BCL6: variants seen among roughly 807,000 people sequenced by gnomAD.
BCL6 encodes the protein BCL6 transcription repressor.
BCL6 carries 7 observed loss-of-function variants against 59.5 expected under a neutral mutation model. That is an observed-to-expected ratio of 0.12 (90% CI 0.07 to 0.22). The LOEUF (loss-of-function observed/expected upper bound fraction) is 0.22, where lower values mean the gene tolerates loss of function less well. Ranked by LOEUF, BCL6 falls within the 10% of genes least tolerant of loss-of-function variation. BCL6 has a pLI of 1.00. For missense variants in BCL6, 685 were observed against 939.4 expected (o/e 0.73, Z 3.54); for synonymous variants, 339 against 349.7 (o/e 0.97, Z 0.34).
intron 4 of BCL6, among the ~76,000 whole-genome samples, chr3:187,730,958 GC>G (rs1340039027): frequency 1.3e-5 from 2 of 152,182 alleles, no homozygotes; most frequent in Non-Finnish European, 2.9e-5. Flanking sequence ...TTCAAACACA[GC>G]CTGGAAAACC....
Position 187,728,496 on chromosome 3 carries a change from G to T in BCL6, c.1404C>A (p.Leu468=). 2 of 1,611,258 alleles carry T rather than the reference G, an allele frequency of 1.2e-6. No homozygotes were observed. Among genetic ancestry groups the T allele is most frequent in the Non-Finnish European group, 1.7e-6 (2 of 1,179,520 alleles). ...PRSSSESHSP[L]YMHPPKCTSC... ...ACGTGCACTTCGGGGGGTGCATGTA[G>T]AGTGGTGAGTGGCTCTCGCTGCTGC... Residue 468 remains leucine, a synonymous_variant, in exon 6 of 10, where the codon CTC becomes CTA. Transcript: ENST00000406870.
intron 1 of BCL6, among the ~76,000 whole-genome samples, chr3:187,744,608 C>G (rs145232930): frequency 6.6e-6 from 1 of 152,192 alleles, no homozygotes; most frequent in African/African-American, 2.4e-5. Flanking sequence ...AAAGAGTTCG[C>G]TTGCATTTTT....
chr3:187,725,471 GCTCCGCTCGCCTGCCCA>G lies in BCL6; in HGVS notation c.1839+11_1839+27del, dbSNP rs769071983. 105 of 1,234,306 alleles carry G rather than the reference GCTCCGCTCGCCTGCCCA, an allele frequency of 8.5e-5. No homozygotes were observed. Among genetic ancestry groups the G allele is most frequent in the South Asian group, 1.7e-5 (1 of 59,318 alleles). The allele number at this position is 1,234,306 out of a possible 1,614,324, so 76.5% of individuals were successfully genotyped here. ...GCCTGCCCGCTCCGCTCGCCTGCCC[GCTCCGCTCGCCTGCCCA>G]CTCTGCTCACCTGTACAAATCTGGC... On this transcript the variant is annotated intron_variant, in intron 8 of 9. Transcript: ENST00000406870. The surrounding 1 kb of genome is among the most constrained non-coding windows in gnomAD (Gnocchi z 4.7).
chr3:187,744,723 C>A (rs1305083966), intron 1 of BCL6, among the ~76,000 whole-genome samples: 1 of 151,978 alleles, frequency 6.6e-6, no homozygotes, highest in Non-Finnish European at 1.5e-5. Context: ...CTTTTTGCCT[C>A]CCGGAGTTAC....
At chr3:187,738,003 G>C (rs1177782953) in intron 1 of BCL6, 1 of 152,064 alleles carries the variant, frequency 6.6e-6, no homozygotes, top group Non-Finnish European at 1.5e-5. Flanking sequence ...GGCCGCTGGG[G>C]AAGGCTCGCG....
chr3:187,731,635 C>T, intron 4 of BCL6, 74 bp downstream of exon 4: 1 of 1,435,900 alleles, frequency 7.0e-7, no homozygotes, highest in Non-Finnish European at 9.7e-7. Context: ...TTTCTGTATG[C>T]ATGAATTATC....
At chr3:187,733,461 T>C in intron 3 of BCL6, 72 bp downstream of exon 3, 1 of 1,548,824 alleles carries the variant, frequency 6.5e-7, no homozygotes, top group Non-Finnish European at 8.8e-7. Flanking sequence ...GGCCCACATG[T>C]TCTGCCTTGC....
intron 7 of BCL6, among the ~76,000 whole-genome samples, chr3:187,726,094 A>G (rs1718678558): frequency 1.3e-5 from 2 of 152,128 alleles, no homozygotes; most frequent in South Asian, 4.1e-4. Context: ...TCATCAACTC[A>G]TTCACCAGGG....
chr3:187,734,799 A>G (rs751233728), intron 2 of BCL6, 70 bp downstream of exon 2: 2 of 152,710 alleles, frequency 1.3e-5, no homozygotes, highest in African/African-American at 4.8e-5. Context: ...TCACAGAGAC[A>G]CATGTATTGG....
At chr3:187,744,623 T>G (rs1711800736) in intron 1 of BCL6, among the ~76,000 whole-genome samples, 1 of 151,852 alleles carries the variant, frequency 6.6e-6, no homozygotes, top group Admixed American at 6.6e-5. Flanking sequence ...ATTTTTTCCT[T>G]CCAAATCTCG....
chr3:187,722,487 G>A lies in BCL6; in HGVS notation c.2092C>T (p.Leu698=), dbSNP rs1003186327. Residue 698 remains leucine (L), a synonymous_variant, in exon 10 of 10, where the codon CTG becomes TTG. Coordinates refer to ENST00000406870, the MANE Select transcript of BCL6 (RefSeq NM_001706.5). ...CAGGCTTTGGGGAGCTCCGGAGGCAGGTCAGTGGCTGACACGCGGTATTGC... is the reference window on the plus strand; with the variant it reads ...CAGGCTTTGGGGAGCTCCGGAGGCAAGTCAGTGGCTGACACGCGGTATTGC... ...KVQYRVSATD[L]PPELPKAC 1.2e-6 allele frequency: 2 copies of A among 1,613,616 alleles called. No individual in the cohort carries two copies. The highest frequency in any genetic ancestry group is 8.5e-7 in the Non-Finnish European group (1 of 1,179,954).
In BCL6 at chr3:187,729,103, G is replaced by A. The variant is rs765760636; in HGVS notation, c.1302C>T (p.Ser434=). 2.5e-5 allele frequency: 39 copies of A among 1,556,500 alleles called. No homozygotes were observed. Among genetic ancestry groups the A allele is most frequent in the African/African-American group, 2.1e-4 (15 of 72,978 alleles). Residue 434 remains serine, a synonymous_variant, in exon 5 of 10, where the codon AGC becomes AGT. Transcript: ENST00000406870. The surrounding 1 kb of genome is among the most constrained non-coding windows in gnomAD (Gnocchi z 5.6). ...CTTGTGGGATGGTGGAGTCCTCCCC[G>A]CTGGCACTCAGCTTGGTTGGGGACT... is the stretch of plus-strand genomic sequence containing the variant. ...DLQSPTKLSA[S]GEDSTIPQAS...
At position 187,725,437 on chromosome 3, in the gene BCL6, CCTCCGCTCGCCTGCCCG is replaced by C. The variant is rs201366633; in HGVS notation, c.1839+45_1839+61del. ...CCACTCCTCCGCTTGCCTGCCCACT[CCTCCGCTCGCCTGCCCG>C]CTCCGCTCGCCTGCCCGCTCCGCTC... is the stretch of plus-strand genomic sequence containing the variant. On this transcript the variant is annotated intron_variant, in intron 8 of 9. Coordinates refer to ENST00000406870, the MANE Select transcript of BCL6 (RefSeq NM_001706.5). This position sits in a 1 kb window ranked among gnomAD's most constrained non-coding sequence, Gnocchi z 4.7. The C allele has an allele frequency of 4.1e-3, 6,433 of 1,556,496 alleles. 154 individuals are homozygous for C. The African/African-American group carries it at 0.07, about 17-fold the overall frequency.
chr3:187,740,320 G>T (rs1222197524), intron 1 of BCL6, among the ~76,000 whole-genome samples: 5 of 151,942 alleles, frequency 3.3e-5, no homozygotes, highest in African/African-American at 1.2e-4. Context: ...GGCTCGCCCT[G>T]CAAGTCTTTG....
intron 7 of BCL6, among the ~76,000 whole-genome samples, chr3:187,726,293 C>T (rs1172567240): frequency 1.3e-5 from 2 of 152,082 alleles, no homozygotes; most frequent in East Asian, 1.9e-4. Context: ...GGGCCATTTA[C>T]GGTACTAAGA....
At chr3:187,737,360 A>AGG (rs1374926879) in intron 1 of BCL6, 10 of 126,448 alleles carry the variant, frequency 7.9e-5, no homozygotes. Flanking sequence ...AGAGAGAGAG[A>AGG]GAGAGAGAGA....
chr3:187,741,118 G>A (rs975879556), intron 1 of BCL6, among the ~76,000 whole-genome samples: 3 of 152,192 alleles, frequency 2.0e-5, no homozygotes, highest in Non-Finnish European at 4.4e-5. Flanking sequence ...TTTATTTTCT[G>A]TCTGGTGGGG....
intron 5 of BCL6, 51 bp from the exon 6 acceptor site, chr3:187,728,595 C>A: frequency 1.3e-6 from 2 of 1,540,386 alleles, no homozygotes; most frequent in Non-Finnish European, 1.7e-6. Flanking sequence ...GGCCTCAAGA[C>A]CACCCTCTCC....
Position 187,730,093 on chromosome 3 carries a change from A to G in BCL6, c.384-72T>C, listed in dbSNP as rs952322740. The G allele has an allele frequency of 2.7e-6, 4 of 1,500,812 alleles. No homozygotes were observed. The Admixed American group carries it at 9.3e-5, about 35-fold the overall frequency. The allele number at this position is 1,500,812 out of a possible 1,614,324, so 93.0% of individuals were successfully genotyped here. A position where few individuals can be genotyped will look rare whatever the true frequency, so the allele number is the denominator to read the frequency against. ...GTTAAATAGATGACCTTCCAGTGAC[A>G]CTTATATAACCACATCTGTGTTTGA... On this transcript the variant is annotated intron_variant, in intron 4 of 9. Transcript: ENST00000406870.
Sources: gnomAD v4.1 joint callset for allele counts (sites outside exome capture counted in the v4.1 genomes callset) on GRCh38, gnomAD v4.1.1 for gene constraint, Gnocchi (gnomAD v3.1) non-coding constraint, MANE v1.5 for transcripts, NCBI Gene and HGNC (gene_info 2026-07-23, HGNC 2026-07-21) for gene names.